HORMAD2: variants seen among roughly 807,000 people sequenced by gnomAD.
HORMAD2 encodes the protein HORMA domain containing 2.
In HORMAD2, 45 loss-of-function variants were observed where a neutral mutation model predicts 38.8. That is an observed-to-expected ratio of 1.16 (90% CI 0.91 to 1.49). The LOEUF (loss-of-function observed/expected upper bound fraction) is 1.49, where lower values mean the gene tolerates loss of function less well. HORMAD2 is among the 40% of genes most tolerant of loss of function. The pLI is 0.00. For missense variants in HORMAD2, 338 were observed against 367.0 expected (o/e 0.92, Z 0.65); for synonymous variants, 126 against 122.8 (o/e 1.03, Z -0.17).
chr22:30,158,935 T>C (rs1227232640), intron 10 of HORMAD2, among the ~76,000 whole-genome samples: 3 of 151,998 alleles, frequency 2.0e-5, no homozygotes, highest in Non-Finnish European at 4.4e-5. Context: ...TCTGCACACC[T>C]CGGCCTCCAA....
intron 2 of HORMAD2, 76 bp downstream of exon 2, chr22:30,094,079 G>A (rs1021174860): frequency 8.1e-6 from 9 of 1,104,896 alleles, no homozygotes; most frequent in Non-Finnish European, 1.2e-5. Context: ...AATCTTTTGT[G>A]TGTGTGTTTT....
chr22:30,087,975 C>A (rs12166583), intron 1 of HORMAD2, among the ~76,000 whole-genome samples: 43,214 of 150,558 alleles, frequency 0.29, 6,484 homozygotes, highest in Middle Eastern at 0.4. Flanking sequence ...CTCTCTCTCT[C>A]TATATATATA....
chr22:30,200,731 G>GTATTATTATTATTATTAT, the HORMAD2 span, among the ~76,000 whole-genome samples: 126 of 141,544 alleles, frequency 8.9e-4, 1 homozygote, highest in South Asian at 3.9e-3. Flanking sequence ...CAACAGAAAT[G>GTATTATTATTATTATTAT]TATTATTATT....
intron 1 of HORMAD2, among the ~76,000 whole-genome samples, chr22:30,082,091 A>T (rs2068489906): frequency 6.6e-6 from 1 of 152,200 alleles, no homozygotes; most frequent in African/African-American, 2.4e-5. Context: ...AAGGGGTTGG[A>T]AGATGTCTGT....
chr22:30,124,864 C>T (rs1339059008), intron 10 of HORMAD2, among the ~76,000 whole-genome samples: 1 of 152,044 alleles, frequency 6.6e-6, no homozygotes, highest in Non-Finnish European at 1.5e-5. Flanking sequence ...CCAAAGTGGT[C>T]GTACCAACTT....
intron 10 of HORMAD2, among the ~76,000 whole-genome samples, chr22:30,175,374 G>A (rs1210848025): frequency 1.4e-5 from 2 of 138,040 alleles, no homozygotes; most frequent in Admixed American, 7.5e-5. Flanking sequence ...CATAGGACAT[G>A]GAAAAACCTT....
At chr22:30,192,522 A>T in the HORMAD2 span, among the ~76,000 whole-genome samples, 1 of 152,180 alleles carries the variant, frequency 6.6e-6, no homozygotes, top group African/African-American at 2.4e-5. Flanking sequence ...TTCAGAACAA[A>T]TTTTGAATTA....
intron 7 of HORMAD2, among the ~76,000 whole-genome samples, chr22:30,116,366 T>G (rs1922046298): frequency 6.6e-6 from 1 of 152,176 alleles, no homozygotes; most frequent in Admixed American, 6.5e-5. Flanking sequence ...ATGGTCTGAT[T>G]TGTATTTTCA....
intron 2 of HORMAD2, among the ~76,000 whole-genome samples, chr22:30,096,022 A>C (rs916232610): frequency 5.9e-5 from 9 of 152,280 alleles, no homozygotes; most frequent in African/African-American, 2.2e-4. Flanking sequence ...TGTACTTTAT[A>C]TAAATGAAAT....
chr22:30,091,266 CTTTTTTTTTT>C (rs67947501), intron 1 of HORMAD2, among the ~76,000 whole-genome samples: 1 of 114,034 alleles, frequency 8.8e-6, no homozygotes, highest in Non-Finnish European at 1.8e-5. Flanking sequence ...CTCTTTCTTT[CTTTTTTTTTT>C]TTTTTTTTGA....
intron 7 of HORMAD2, among the ~76,000 whole-genome samples, chr22:30,115,358 T>C (rs1921962769): frequency 6.6e-6 from 1 of 152,170 alleles, no homozygotes; most frequent in Non-Finnish European, 1.5e-5. Flanking sequence ...TCCCCTTGCC[T>C]CAGCCTCCCA....
intron 10 of HORMAD2, chr22:30,137,081 C>A: frequency 2.8e-6 from 1 of 359,670 alleles, no homozygotes; most frequent in South Asian, 3.5e-5. Context: ...CATTGATAGT[C>A]TTGACATCAA....
the HORMAD2 span, among the ~76,000 whole-genome samples, chr22:30,184,462 A>G: frequency 6.6e-6 from 1 of 152,222 alleles, no homozygotes; most frequent in African/African-American, 2.4e-5. Flanking sequence ...ATCTTTTTCC[A>G]AACATTTCAA....
intron 10 of HORMAD2, chr22:30,137,622 CT>C (rs1923760309): frequency 6.4e-6 from 1 of 155,182 alleles, no homozygotes; most frequent in South Asian, 1.9e-4. Context: ...GGATCAACCA[CT>C]TTCTTCTTGG....
the HORMAD2 span, among the ~76,000 whole-genome samples, chr22:30,187,169 A>G: frequency 6.6e-6 from 1 of 152,256 alleles, no homozygotes; most frequent in African/African-American, 2.4e-5. Context: ...TTCTTCATTT[A>G]ACACTTAGGG....
rs1926482489 is a variant in HORMAD2, at chr22:30,176,759, A to G, written c.*592A>G. On this transcript the variant is annotated 3_prime_UTR_variant, in exon 11 of 11. Coordinates refer to ENST00000336726, the MANE Select transcript of HORMAD2 (RefSeq NM_152510.4). ...TGTTATCCAATCCGAAACACGGAAC[A>G]TGCTGCAATTCAGGAGTCTGGCTCT... 2 of 152,872 alleles carry G rather than the reference A, an allele frequency of 1.3e-5. No homozygotes were observed. Among genetic ancestry groups the G allele is most frequent in the African/African-American group, 4.8e-5 (2 of 41,460 alleles). The allele number at this position is 152,872 out of a possible 1,614,324, so 9.5% of individuals were successfully genotyped here.
intron 3 of HORMAD2, among the ~76,000 whole-genome samples, chr22:30,101,276 C>G (rs559249540): frequency 2.2e-4 from 34 of 152,148 alleles, no homozygotes; most frequent in African/African-American, 7.7e-4. Flanking sequence ...AGTTCATGTC[C>G]TTTGTAGGAA....
intron 10 of HORMAD2, among the ~76,000 whole-genome samples, chr22:30,130,384 G>T (rs1436699928): frequency 6.6e-6 from 1 of 152,014 alleles, no homozygotes; most frequent in Non-Finnish European, 1.5e-5. Flanking sequence ...AAGCACATAT[G>T]CTTGAAACTT....
intron 10 of HORMAD2, among the ~76,000 whole-genome samples, chr22:30,134,017 T>A (rs1453923899): frequency 6.6e-6 from 1 of 152,178 alleles, no homozygotes; most frequent in East Asian, 1.9e-4. Context: ...ATGACCAAAG[T>A]TGGAACAAAC....
Sources: gnomAD v4.1 joint callset for allele counts (sites outside exome capture counted in the v4.1 genomes callset) on GRCh38, gnomAD v4.1.1 for gene constraint, MANE v1.5 for transcripts, NCBI Gene and HGNC (gene_info 2026-07-23, HGNC 2026-07-21) for gene names.